Variants in BBOX1 observed in about 807,000 individuals in gnomAD.
The protein encoded by BBOX1 is gamma-butyrobetaine dioxygenase.
BBOX1 carries 35 observed loss-of-function variants against 41.6 expected under a neutral mutation model. The observed-to-expected ratio is 0.84, with a 90% CI of 0.64 to 1.11. The LOEUF is 1.11. Among genes scored for constraint, BBOX1 ranks in the 50% most tolerant of loss-of-function variants. BBOX1 has a pLI of 0.00. For missense variants in BBOX1, 458 were observed against 460.6 expected (o/e 0.99, Z 0.05); for synonymous variants, 163 against 154.7 (o/e 1.05, Z -0.40).
chr11:27,083,443 T>C (rs1857925259), intron 4 of BBOX1, among the ~76,000 whole-genome samples: 1 of 152,088 alleles, frequency 6.6e-6, no homozygotes. Flanking sequence ...GCCCCAGTTC[T>C]AGCCTTGGTG....
At chr11:27,109,323 G>A (rs1170341134) in intron 5 of BBOX1, among the ~76,000 whole-genome samples, 2 of 151,970 alleles carry the variant, frequency 1.3e-5, no homozygotes, top group African/African-American at 4.8e-5. Flanking sequence ...TTTGTTACAA[G>A]TTTTTGAAAT....
At chr11:27,100,879 C>T (rs1858623355) in intron 5 of BBOX1, among the ~76,000 whole-genome samples, 1 of 151,890 alleles carries the variant, frequency 6.6e-6, no homozygotes. Context: ...CACATACAAC[C>T]TTCCTTCCTT....
At chr11:27,069,806 C>T (rs949571704) in intron 4 of BBOX1, among the ~76,000 whole-genome samples, 1 of 151,950 alleles carries the variant, frequency 6.6e-6, no homozygotes, top group Admixed American at 6.6e-5. Flanking sequence ...TTTTGAGGTA[C>T]GTTCCTTCAA....
At chr11:27,089,979 G>T (rs1437196992) in intron 4 of BBOX1, among the ~76,000 whole-genome samples, 4 of 151,952 alleles carry the variant, frequency 2.6e-5, no homozygotes, top group African/African-American at 2.4e-5. Context: ...AACACAATGA[G>T]CAAATGGGAG....
chr11:27,083,482 A>G (rs1332816456), intron 4 of BBOX1, among the ~76,000 whole-genome samples: 2 of 151,800 alleles, frequency 1.3e-5, no homozygotes, highest in Non-Finnish European at 2.9e-5. Flanking sequence ...GACAATTCCC[A>G]TCTTCCCACT....
chr11:27,115,420 C>G (rs750057624), intron 5 of BBOX1, 32 bp from the exon 6 acceptor site: 7 of 1,554,470 alleles, frequency 4.5e-6, no homozygotes, highest in Middle Eastern at 1.7e-4. Flanking sequence ...TAGTGACAAC[C>G]TGTTTAAACA....
At chr11:27,121,741 C>G (rs1859472997) in intron 7 of BBOX1, among the ~76,000 whole-genome samples, 1 of 152,134 alleles carries the variant, frequency 6.6e-6, no homozygotes, top group East Asian at 1.9e-4. Flanking sequence ...ACTTGAGACC[C>G]TTAGTTATAA....
At chr11:27,079,323 G>A (rs1400194699) in intron 4 of BBOX1, among the ~76,000 whole-genome samples, 3 of 152,166 alleles carry the variant, frequency 2.0e-5, no homozygotes, top group Admixed American at 6.6e-5. Context: ...ATATAGAAAT[G>A]TTTGGTGAAG....
intron 5 of BBOX1, among the ~76,000 whole-genome samples, chr11:27,097,709 A>C (rs565687389): frequency 6.6e-6 from 1 of 152,182 alleles, no homozygotes; most frequent in Non-Finnish European, 1.5e-5. Flanking sequence ...ATATATGCCA[A>C]CAGCAGTTCA....
At position 27,127,503 on chromosome 11, in the gene BBOX1, G is replaced by T. The variant is rs767582666; in HGVS notation, c.*50G>T. ...AGATTCCAATGACCATATTTTGTGA[G>T]ATATGGCACATTATTCACAGACCAT... On this transcript the variant is annotated 3_prime_UTR_variant, in exon 9 of 9. Transcript: ENST00000263182. 3.2e-6 allele frequency: 5 copies of T among 1,545,320 alleles called. No homozygotes were observed. In the East Asian group the frequency reaches 9.0e-5, roughly 28 times the overall value.
chr11:27,069,701 G>A (rs953885990), intron 4 of BBOX1, among the ~76,000 whole-genome samples: 1 of 151,876 alleles, frequency 6.6e-6, no homozygotes, highest in African/African-American at 2.4e-5. Flanking sequence ...TTTAATTTTT[G>A]CTTTTAACTT....
intron 2 of BBOX1, among the ~76,000 whole-genome samples, chr11:27,048,115 G>A (rs760880343): frequency 6.6e-6 from 1 of 151,050 alleles, no homozygotes; most frequent in Non-Finnish European, 1.5e-5. Context: ...ATGTTGGGGG[G>A]GTGAGAACAC....
At chr11:27,042,814 T>C (rs1851376548) in intron 2 of BBOX1, among the ~76,000 whole-genome samples, 1 of 152,152 alleles carries the variant, frequency 6.6e-6, no homozygotes, top group Non-Finnish European at 1.5e-5. Context: ...GTAGAGTATG[T>C]ATGTACTCAA....
chr11:27,057,063 TTAAAAAAAAA>T (rs1184554634), intron 3 of BBOX1, 128 bp from the exon 4 acceptor site: 2 of 149,888 alleles, frequency 1.3e-5, no homozygotes, highest in Non-Finnish European at 2.1e-5. Flanking sequence ...AGACTCCGAC[TTAAAAAAAAA>T]AAAAAAAAAA....
chr11:27,077,175 G>GCCAC (rs1857661459), intron 4 of BBOX1, among the ~76,000 whole-genome samples: 1 of 152,104 alleles, frequency 6.6e-6, no homozygotes, highest in African/African-American at 2.4e-5. Context: ...ACCTGTGTTA[G>GCCAC]CTGACAGACT....
intron 2 of BBOX1, among the ~76,000 whole-genome samples, chr11:27,043,592 T>G (rs1397213085): frequency 1.3e-5 from 2 of 151,886 alleles, no homozygotes; most frequent in African/African-American, 4.8e-5. Context: ...ATCCCTCCCC[T>G]AGCCCCCTAC....
At chr11:27,043,130 C>T (rs28541300) in intron 2 of BBOX1, among the ~76,000 whole-genome samples, 48,201 of 151,624 alleles carry the variant, frequency 0.32, 7,798 homozygotes, top group East Asian at 0.45. Context: ...GTGGCGCGAT[C>T]TCGGCTCACT....
chr11:27,109,277 G>A (rs1858970850), intron 5 of BBOX1, among the ~76,000 whole-genome samples: 1 of 151,962 alleles, frequency 6.6e-6, no homozygotes, highest in African/African-American at 2.4e-5. Flanking sequence ...AAGTCCTATG[G>A]GGCATCTCCT....
intron 3 of BBOX1, 142 bp from the exon 4 acceptor site, chr11:27,057,059 C>G (rs533316256): frequency 5.4e-5 from 2 of 37,068 alleles, no homozygotes; most frequent in Non-Finnish European, 8.2e-5. Flanking sequence ...AGGAAGACTC[C>G]GACTTAAAAA....
Sources: gnomAD v4.1 joint callset for allele counts (sites outside exome capture counted in the v4.1 genomes callset) on GRCh38, gnomAD v4.1.1 for gene constraint, MANE v1.5 for transcripts, NCBI Gene and HGNC (gene_info 2026-07-23, HGNC 2026-07-21) for gene names.